Variants in MIPOL1 observed in about 807,000 individuals in gnomAD.
The protein encoded by MIPOL1 is mirror-image polydactyly 1.
Under a neutral mutation model 60.9 loss-of-function variants are expected in MIPOL1, and 57 were observed. That is an observed-to-expected ratio of 0.94 (90% CI 0.76 to 1.17). The LOEUF (loss-of-function observed/expected upper bound fraction) is 1.17, where lower values mean the gene tolerates loss of function less well. Among genes scored for constraint, MIPOL1 ranks in the 50% most tolerant of loss-of-function variants. MIPOL1 has a pLI of 0.00. For synonymous variants in MIPOL1, 179 were observed against 168.8 expected, an observed-to-expected ratio of 1.06 and a Z score of -0.47; for missense variants, 551 against 511.6, an observed-to-expected ratio of 1.08 and a Z score of -0.74.
At chr14:37,391,988 TAAAC>T (rs775196546) in intron 10 of MIPOL1, among the ~76,000 whole-genome samples, 42 of 152,248 alleles carry the variant, frequency 2.8e-4, no homozygotes, top group Admixed American at 2.7e-3. Flanking sequence ...ATTAAAGTAA[TAAAC>T]AATCCTGAAA....
At chr14:37,514,708 G>A (rs1386278678) in intron 12 of MIPOL1, among the ~76,000 whole-genome samples, 3 of 150,908 alleles carry the variant, frequency 2.0e-5, no homozygotes, top group African/African-American at 7.3e-5. Context: ...AGCAACCTCC[G>A]CCTCCCGAGT....
At chr14:37,289,892 G>A (rs189480226) in intron 7 of MIPOL1, among the ~76,000 whole-genome samples, 204 of 152,262 alleles carry the variant, frequency 1.3e-3, no homozygotes, top group African/African-American at 4.8e-3. Context: ...TTAATCATTA[G>A]CGTACAAAAA....
chr14:37,421,196 A>G (rs543269137), intron 10 of MIPOL1, among the ~76,000 whole-genome samples: 46 of 152,288 alleles, frequency 3.0e-4, no homozygotes, highest in African/African-American at 1.1e-3. Flanking sequence ...TTTTCCTACA[A>G]GAATTTTTGT....
At chr14:37,534,922 A>T (rs1454290768) in intron 12 of MIPOL1, among the ~76,000 whole-genome samples, 1 of 152,184 alleles carries the variant, frequency 6.6e-6, no homozygotes, top group Non-Finnish European at 1.5e-5. Context: ...TTTAATCTAG[A>T]TATCTAACTT....
intron 9 of MIPOL1, among the ~76,000 whole-genome samples, chr14:37,359,713 TAAG>T: frequency 6.6e-6 from 1 of 152,352 alleles, no homozygotes; most frequent in South Asian, 2.1e-4. Context: ...CTTATCAACT[TAAG>T]GAGATTTTGG....
intron 3 of MIPOL1, among the ~76,000 whole-genome samples, chr14:37,266,072 A>T (rs570379135): frequency 2.1e-4 from 32 of 152,274 alleles, no homozygotes; most frequent in Admixed American, 5.2e-4. Context: ...GGTTATAATT[A>T]CTAAGACCCA....
chr14:37,544,872 TAA>T (rs1446597736), intron 12 of MIPOL1, among the ~76,000 whole-genome samples: 1 of 152,084 alleles, frequency 6.6e-6, no homozygotes, highest in African/African-American at 2.4e-5. Context: ...TAACAACATA[TAA>T]GAGTTCTAAA....
rs558378755 is a variant in MIPOL1, at chr14:37,426,811, G to A, written c.1031+3862G>A. ...AACAGATAAATCGTACATATTGAAT[G>A]AAGATATATCATAAGAAGAGACCTG... is the stretch of plus-strand genomic sequence containing the variant. On this transcript the variant is annotated intron_variant, in intron 11 of 12. Transcript: ENST00000684589. 4.0e-5 allele frequency among the ~76,000 whole-genome samples: 6 copies of A among 151,794 alleles called. 1 individual carries two copies. The South Asian group carries it at 1.2e-3, about 31-fold the overall frequency.
intron 7 of MIPOL1, among the ~76,000 whole-genome samples, chr14:37,305,880 T>G (rs2086743583): frequency 6.6e-6 from 1 of 151,880 alleles, no homozygotes; most frequent in Non-Finnish European, 1.5e-5. Context: ...TTAGCTCACT[T>G]ACGTCCTGTG....
intron 3 of MIPOL1, among the ~76,000 whole-genome samples, chr14:37,260,820 C>T (rs2082471932): frequency 6.6e-6 from 1 of 152,052 alleles, no homozygotes; most frequent in African/African-American, 2.4e-5. Flanking sequence ...TCCTGTGACT[C>T]CTAAATTAGA....
At chr14:37,463,745 A>G (rs528566913) in intron 11 of MIPOL1, among the ~76,000 whole-genome samples, 35 of 152,236 alleles carry the variant, frequency 2.3e-4, no homozygotes, top group Non-Finnish European at 3.8e-4. Context: ...GACAAAAACA[A>G]AAATAAACAA....
intron 9 of MIPOL1, among the ~76,000 whole-genome samples, chr14:37,315,382 T>C (rs563915734): frequency 1.1e-3 from 172 of 152,278 alleles, no homozygotes; most frequent in Non-Finnish European, 1.9e-3. Context: ...GACAAGTCTG[T>C]ATGATCTTGG....
chr14:37,293,394 C>T (rs527407122), intron 7 of MIPOL1, among the ~76,000 whole-genome samples: 30 of 152,162 alleles, frequency 2.0e-4, no homozygotes, highest in Admixed American at 5.2e-4. Context: ...ATGCAGAAGA[C>T]GGGTGATTTC....
At chr14:37,277,907 C>T (rs1429626580) in intron 6 of MIPOL1, 1 of 151,242 alleles carries the variant, frequency 6.6e-6, no homozygotes, top group Non-Finnish European at 1.5e-5. Context: ...TATAGCATGT[C>T]CAAATGATAA....
At chr14:37,343,008 G>A (rs980390477) in intron 9 of MIPOL1, among the ~76,000 whole-genome samples, 1 of 149,678 alleles carries the variant, frequency 6.7e-6, no homozygotes, top group Admixed American at 6.7e-5. Flanking sequence ...TTATATATAT[G>A]TATAAATATA....
intron 3 of MIPOL1, among the ~76,000 whole-genome samples, chr14:37,257,095 T>TTTGTGTG (rs1555371897): frequency 7.3e-6 from 1 of 137,708 alleles, no homozygotes; most frequent in South Asian, 2.5e-4. Flanking sequence ...TGGTTTTGTT[T>TTTGTGTG]TGTGTGTGTG....
intron 1 of MIPOL1, among the ~76,000 whole-genome samples, chr14:37,222,276 G>A (rs1333785200): frequency 6.6e-6 from 1 of 150,910 alleles, no homozygotes; most frequent in Non-Finnish European, 1.5e-5. Flanking sequence ...TGGCTGGAGT[G>A]CGGTGGCACA....
chr14:37,342,173 G>A (rs1163602647), intron 9 of MIPOL1, among the ~76,000 whole-genome samples: 1 of 151,864 alleles, frequency 6.6e-6, no homozygotes, highest in Non-Finnish European at 1.5e-5. Context: ...ACCAGCCTGG[G>A]CAACATGGTG....
intron 3 of MIPOL1, among the ~76,000 whole-genome samples, chr14:37,251,989 T>A (rs1433124888): frequency 2.0e-5 from 3 of 151,814 alleles, no homozygotes; most frequent in African/African-American, 7.2e-5. Context: ...TACAAAAGGT[T>A]ACTGTGCCTA....
Sources: allele counts gnomAD v4.1 joint callset (sites outside exome capture counted in the v4.1 genomes callset), GRCh38; gene constraint gnomAD v4.1.1; transcripts MANE v1.5; gene names NCBI Gene and HGNC (gene_info 2026-07-23, HGNC 2026-07-21).